Variants in MAFG observed in about 807,000 individuals in gnomAD.
The protein encoded by MAFG is MAF bZIP transcription factor G.
In MAFG, 3 loss-of-function variants were observed where a neutral mutation model predicts 12.2. The ratio of observed to expected loss-of-function variants is 0.25; its 90% CI spans 0.11 to 0.64. The LOEUF is 0.64. Ranked by LOEUF, MAFG falls within the 30% of genes least tolerant of loss-of-function variation. The pLI is 0.85. For synonymous variants in MAFG, 126 were observed against 109.1 expected, an observed-to-expected ratio of 1.15 and a Z score of -0.96; for missense variants, 153 against 235.5, an observed-to-expected ratio of 0.65 and a Z score of 2.29.
intron 1 of MAFG, among the ~76,000 whole-genome samples, chr17:81,925,217 A>T (rs1196163381): frequency 6.6e-6 from 1 of 152,208 alleles, no homozygotes; most frequent in Non-Finnish European, 1.5e-5. Context: ...CCAGAGGCTA[A>T]TAAGCCCACC....
intron 1 of MAFG, among the ~76,000 whole-genome samples, chr17:81,925,839 T>C (rs2040935233): frequency 6.8e-6 from 1 of 147,724 alleles, no homozygotes; most frequent in Admixed American, 6.7e-5. Context: ...TGTACATAAA[T>C]GTCCCTCCAG....
At position 81,922,552 on chromosome 17, in the gene MAFG, T is replaced by A; in HGVS notation, c.*53A>T. On this transcript the variant is annotated 3_prime_UTR_variant, in exon 3 of 3. Transcript: ENST00000357736. ...GAAACAGAGGGACAGGGCAGCCAAA[T>A]TCGCCATGTGCCTAGTGGCCCCGCA... is the stretch of plus-strand genomic sequence containing the variant. 7.5e-7 allele frequency: 1 copy of A among 1,338,582 alleles called. No homozygotes were observed. The highest frequency in any genetic ancestry group is 9.8e-7 in the Non-Finnish European group (1 of 1,020,372). The allele number at this position is 1,338,582 out of a possible 1,614,324, so 82.9% of individuals were successfully genotyped here.
In MAFG at chr17:81,922,003, T is replaced by C. The variant is rs2040895266; in HGVS notation, c.*602A>G. On this transcript the variant is annotated 3_prime_UTR_variant, in exon 3 of 3. Transcript: ENST00000357736. ...CAACCAGAGATTTGGTCTTGTTCAG[T>C]GCAACGGGTCAGGCCTGAGTGCACA... 6.6e-6 allele frequency: 1 copy of C among 152,248 alleles called. No individual in the cohort carries two copies. The highest frequency in any genetic ancestry group is 2.1e-4 in the South Asian group (1 of 4,840). 9.4% of individuals were successfully genotyped at this position (152,248 alleles called of 1,614,324 possible).
Position 81,922,453 on chromosome 17 carries a change from GC to G in MAFG, c.*151del. Reference sequence around the variant, plus strand: ...CGAGATCAAAGGGGCTCAGCCCGGCGCCCCTGGGGTACAGGTTGTGCTTTGC... The same window carrying G: ...CGAGATCAAAGGGGCTCAGCCCGGCGCCCTGGGGTACAGGTTGTGCTTTGC... On this transcript the variant is annotated 3_prime_UTR_variant, in exon 3 of 3. Transcript: ENST00000357736. The G allele has an allele frequency of 1.8e-6, 1 of 568,524 alleles. No homozygotes were observed. Among genetic ancestry groups the G allele is most frequent in the Non-Finnish European group, 2.9e-6 (1 of 347,788 alleles). 35.2% of individuals were successfully genotyped at this position (568,524 alleles called of 1,614,324 possible).
intron 1 of MAFG, 26 bp from the exon 2 acceptor site, chr17:81,923,240 C>A: frequency 7.3e-7 from 1 of 1,371,480 alleles, no homozygotes; most frequent in Non-Finnish European, 9.7e-7. Context: ...CAGGTCAGTA[C>A]CCTGGAGACC....
At chr17:81,925,685 G>A (rs1179146279) in intron 1 of MAFG, among the ~76,000 whole-genome samples, 1 of 151,714 alleles carries the variant, frequency 6.6e-6, no homozygotes, top group Non-Finnish European at 1.5e-5. Context: ...GTGGGCGCCT[G>A]TAGTCCCAGC....
rs1004248331 is a variant in MAFG at position 81,922,377 on chromosome 17, G to A, written c.*228C>T. 3 of 377,294 alleles carry A rather than the reference G, an allele frequency of 8.0e-6. No individual in the cohort carries two copies. The highest frequency in any genetic ancestry group is 2.1e-5 in the African/African-American group (1 of 47,368). 23.4% of individuals were successfully genotyped at this position (377,294 alleles called of 1,614,324 possible). A position where few individuals can be genotyped will look rare whatever the true frequency, so the allele number is the denominator to read the frequency against. ...ACAAAAGGGGTTGGGGCGACCCCAC[G>A]TCACCGCCGAACTGACCAATCCCAA... On this transcript the variant is annotated 3_prime_UTR_variant, in exon 3 of 3. Transcript: ENST00000357736.
chr17:81,923,031 G>T lies in MAFG; in HGVS notation c.63C>A (p.Gly21=). The change falls in exon 3 of 3, where the codon GGC becomes GGA. Residue 21 remains glycine, a synonymous_variant. Coordinates refer to ENST00000357736, the MANE Select transcript of MAFG (RefSeq NM_002359.4). ...LKVKREPGEN[G]TSLTDEELVT... is the part of the protein sequence containing the mutation. ...CCAGCTCCTCATCCGTCAGGCTGGT[G>T]CCATTCTCACCCGGCTCCCGCTTCA... 6.3e-7 allele frequency: 1 copy of T among 1,598,266 alleles called. No individual in the cohort carries two copies. The highest frequency in any genetic ancestry group is 8.5e-7 in the Non-Finnish European group (1 of 1,172,142).
chr17:81,918,520 C>A lies in MAFG; in HGVS notation c.*4085G>T, dbSNP rs1053126601. 6.2e-6 allele frequency: 1 copy of A among 160,012 alleles called. No homozygotes were observed. Among genetic ancestry groups the A allele is most frequent in the African/African-American group, 2.4e-5 (1 of 41,612 alleles). The allele number at this position is 160,012 out of a possible 1,614,324, so 9.9% of individuals were successfully genotyped here. A position where few individuals can be genotyped will look rare whatever the true frequency, so the allele number is the denominator to read the frequency against. ...GCCTCACCCCGCATCCAAACCCCAG[C>A]CCCTCCTCACTTAGATCTTTAATAA... On this transcript the variant is annotated 3_prime_UTR_variant, in exon 3 of 3. Coordinates refer to ENST00000357736, the MANE Select transcript of MAFG (RefSeq NM_002359.4).
At chr17:81,930,988 G>C (rs74006140), upstream of MAFG, among the ~76,000 whole-genome samples, 11,383 of 152,194 alleles carry the variant, frequency 0.075, 1,460 homozygotes, top group African/African-American at 0.26. This position sits in a 1 kb window ranked among gnomAD's most constrained non-coding sequence, Gnocchi z 4.1. Context: ...TGCTACTTGG[G>C]GTGGGCCCGT....
chr17:81,929,169 G>A (rs144852190), upstream of MAFG, among the ~76,000 whole-genome samples: 6,083 of 152,278 alleles, frequency 0.04, 197 homozygotes, highest in South Asian at 0.13. The surrounding 1 kb of genome is among the most constrained non-coding windows in gnomAD (Gnocchi z 5.7). Context: ...TTGCACCTCC[G>A]CGCGAATTTG....
chr17:81,923,530 C>T (rs965360949), intron 1 of MAFG: 4 of 249,524 alleles, frequency 1.6e-5, no homozygotes, highest in Admixed American at 5.1e-5. Context: ...GAATAAGACG[C>T]GGGAGAGGCA....
Position 81,926,331 on chromosome 17 carries a change from C to T in MAFG, c.-30+1197G>A, listed in dbSNP as rs534732898. Among the ~76,000 whole-genome samples the T allele has an allele frequency of 2.4e-4, 37 of 152,308 alleles. No individual in the cohort carries two copies. The South Asian group carries it at 7.5e-3, about 31-fold the overall frequency. On this transcript the variant is annotated intron_variant, in intron 1 of 2. Coordinates refer to ENST00000357736, the MANE Select transcript of MAFG (RefSeq NM_002359.4). This position sits in a 1 kb window ranked among gnomAD's most constrained non-coding sequence, Gnocchi z 4.6. Reference sequence around the variant, plus strand: ...CCCTGTGCCATCCACACCAGCCCATCTGCTGCACCCCAAGGCTAGGCACCC... The same window carrying T: ...CCCTGTGCCATCCACACCAGCCCATTTGCTGCACCCCAAGGCTAGGCACCC...
chr17:81,922,481 G>A lies in MAFG; in HGVS notation c.*124C>T, dbSNP rs2040900311. On this transcript the variant is annotated 3_prime_UTR_variant, in exon 3 of 3. Transcript: ENST00000357736. The stretch of plus-strand genomic sequence containing the variant: ...CCTGGGGTACAGGTTGTGCTTTGCA[G>A]GGAAGAGAGAAGGGTGGGGAAGAGA... 1.3e-6 allele frequency: 1 copy of A among 770,938 alleles called. No homozygotes were observed. Among genetic ancestry groups the A allele is most frequent in the East Asian group, 3.2e-5 (1 of 31,250 alleles). The allele number at this position is 770,938 out of a possible 1,614,324, so 47.8% of individuals were successfully genotyped here.
Position 81,927,687 on chromosome 17 carries a change from A to AC in MAFG, c.-190dup, listed in dbSNP as rs2040953276. On this transcript the variant is annotated 5_prime_UTR_variant, in exon 1 of 3. Transcript: ENST00000357736. ...GAGCGCACTGGGAAGGCCGGGCCGG[A>AC]CCAGGCTCGGGATCCGCCGCCGCCG... 1 of 148,796 alleles carries AC rather than the reference A, an allele frequency of 6.7e-6. No individual in the cohort carries two copies. Among genetic ancestry groups the AC allele is most frequent in the Admixed American group, 6.7e-5 (1 of 15,030 alleles). The allele number at this position is 148,796 out of a possible 1,614,324, so 9.2% of individuals were successfully genotyped here.
At chr17:81,928,979 G>C (rs935971449), upstream of MAFG, among the ~76,000 whole-genome samples, 1 of 152,146 alleles carries the variant, frequency 6.6e-6, no homozygotes, top group Admixed American at 6.5e-5. The surrounding 1 kb of genome is among the most constrained non-coding windows in gnomAD (Gnocchi z 8.1). Flanking sequence ...GGGCCCCCGA[G>C]TCTCCTCAGG....
Position 81,923,074 on chromosome 17 carries a change from G to C in MAFG, c.37-17C>G, listed in dbSNP as rs781423712. The C allele has an allele frequency of 6.2e-7, 1 of 1,607,942 alleles. No homozygotes were observed. Among genetic ancestry groups the C allele is most frequent in the Non-Finnish European group, 8.5e-7 (1 of 1,177,640 alleles). On this transcript the variant is annotated splice_polypyrimidine_tract_variant and intron_variant, in intron 2 of 2. Transcript: ENST00000357736. ...CCGCTTCACCTGGGGCACAGTGCAG[G>C]TGGTCACAGGCCAAGCGGGCACGCC...
At position 81,921,848 on chromosome 17, in the gene MAFG, A is replaced by G. The variant is rs2040893798; in HGVS notation, c.*757T>C. 6.6e-6 allele frequency: 1 copy of G among 152,100 alleles called. No individual in the cohort carries two copies. The highest frequency in any genetic ancestry group is 2.1e-4 in the South Asian group (1 of 4,828). 9.4% of individuals were successfully genotyped at this position (152,100 alleles called of 1,614,324 possible). On this transcript the variant is annotated 3_prime_UTR_variant, in exon 3 of 3. Coordinates refer to ENST00000357736, the MANE Select transcript of MAFG (RefSeq NM_002359.4). ...TCTTTAACTTTTAAACATATAATTA[A>G]TTTAATAACTTTGTAAAAGGAACTT...
upstream of MAFG, chr17:81,927,738 T>C (rs1391172985): frequency 6.6e-6 from 1 of 152,372 alleles, no homozygotes; most frequent in Non-Finnish European, 1.5e-5. Context: ...CGTCACATGA[T>C]GTTTGGTCAC....
Sources: gnomAD v4.1 joint callset for allele counts (sites outside exome capture counted in the v4.1 genomes callset) on GRCh38, gnomAD v4.1.1 for gene constraint, Gnocchi (gnomAD v3.1) non-coding constraint, MANE v1.5 for transcripts, NCBI Gene and HGNC (gene_info 2026-07-23, HGNC 2026-07-21) for gene names.